Variants in AAK1 observed in about 807,000 individuals in gnomAD.
The protein encoded by AAK1 is AP2 associated kinase 1, also known as AP2-associated protein kinase 1.
A neutral mutation model predicts 116.0 loss-of-function variants in AAK1; 37 were observed. The ratio of observed to expected loss-of-function variants is 0.32; its 90% confidence interval spans 0.25 to 0.42. AAK1 has a LOEUF of 0.42. Among genes scored for constraint, AAK1 ranks in the 10% least tolerant of loss-of-function variants. The pLI is 1.00. For missense variants in AAK1, 919 were observed against 1,170.6 expected (o/e 0.79, Z 3.14); for synonymous variants, 458 against 439.9 (o/e 1.04, Z -0.51).
intron 1 of AAK1, 82 bp from the exon 2 acceptor site, chr2:69,643,356 G>C: frequency 8.3e-7 from 1 of 1,207,804 alleles, no homozygotes; most frequent in Non-Finnish European, 1.0e-6. Flanking sequence ...GGGAGCAAAA[G>C]CCATCATCCT....
chr2:69,600,290 GTTTT>G (rs55852032), intron 2 of AAK1, among the ~76,000 whole-genome samples: 1 of 133,516 alleles, frequency 7.5e-6, no homozygotes, highest in Non-Finnish European at 1.6e-5. Flanking sequence ...ATCTGTCTCA[GTTTT>G]TTTTTTTTTT....
chr2:69,531,434 T>C (rs1465534597), intron 6 of AAK1, among the ~76,000 whole-genome samples: 5 of 152,206 alleles, frequency 3.3e-5, no homozygotes, highest in Non-Finnish European at 5.9e-5. Flanking sequence ...GGCTAGACTG[T>C]TGACTTATTA....
chr2:69,493,458 T>C (rs1675621092), intron 17 of AAK1, among the ~76,000 whole-genome samples: 1 of 151,992 alleles, frequency 6.6e-6, no homozygotes, highest in African/African-American at 2.4e-5. Flanking sequence ...GAGGTGCAGA[T>C]GGAAGGCTAT....
At chr2:69,507,379 A>G in intron 15 of AAK1, 42 bp downstream of exon 15, 1 of 1,595,040 alleles carries the variant, frequency 6.3e-7, no homozygotes, top group Non-Finnish European at 8.5e-7. Flanking sequence ...AGCACAGAGA[A>G]TCTATAATCA....
At chr2:69,507,393 AG>A (rs1558919274) in intron 15 of AAK1, 27 bp downstream of exon 15, 2 of 1,604,992 alleles carry the variant, frequency 1.2e-6, no homozygotes, top group South Asian at 2.2e-5. Flanking sequence ...ATAATCAAGA[AG>A]CACAAAAAAA....
chr2:69,551,549 A>G (rs183267729), intron 3 of AAK1, among the ~76,000 whole-genome samples: 3 of 152,292 alleles, frequency 2.0e-5, no homozygotes, highest in East Asian at 3.9e-4. Context: ...CAAATCCTCA[A>G]ACATCACTGG....
intron 2 of AAK1, among the ~76,000 whole-genome samples, chr2:69,593,163 C>T (rs1237936949): frequency 6.6e-6 from 1 of 152,008 alleles, no homozygotes; most frequent in Non-Finnish European, 1.5e-5. Flanking sequence ...TCCATTGATC[C>T]AACAATTATT....
chr2:69,618,872 C>A (rs758846617), intron 2 of AAK1, among the ~76,000 whole-genome samples: 6 of 152,204 alleles, frequency 3.9e-5, no homozygotes, highest in Non-Finnish European at 8.8e-5. Flanking sequence ...CCCATTCTGA[C>A]ACACCCTCCA....
At chr2:69,533,343 G>A (rs1670335246) in intron 5 of AAK1, among the ~76,000 whole-genome samples, 1 of 152,150 alleles carries the variant, frequency 6.6e-6, no homozygotes, top group South Asian at 2.1e-4. Context: ...CAAACCTGGT[G>A]TGTCAGGCGC....
At chr2:69,524,114 C>G (rs1378704926) in intron 10 of AAK1, among the ~76,000 whole-genome samples, 1 of 152,234 alleles carries the variant, frequency 6.6e-6, no homozygotes, top group Non-Finnish European at 1.5e-5. Flanking sequence ...CTGCTGTTCA[C>G]TGACCTGGTG....
chr2:69,514,652 T>C lies in AAK1; in HGVS notation c.1595A>G (p.Tyr532Cys). The change falls in exon 13 of 22, where the codon TAC becomes TGC. Residue 532 changes from tyrosine to cysteine, a missense_variant. Tyr to Cys is a radical substitution (Grantham distance 194). This residue lies in a region of AAK1 where 214 missense variants were observed against 210.6 expected (regional missense o/e 1.02). Transcript: ENST00000409085. ...GSQQQLMQNF[Y>C]QQQQQQQQQQ... ...TTGTTGCTGCTGCTGCTGCTGCTGG[T>C]AGAAATTCTGCATTAGCTGCTGTTG... is the stretch of plus-strand genomic sequence containing the variant. The C allele has an allele frequency of 6.2e-7, 1 of 1,612,520 alleles. No homozygotes were observed.
At chr2:69,568,469 T>C (rs951043732) in intron 2 of AAK1, among the ~76,000 whole-genome samples, 2 of 150,152 alleles carry the variant, frequency 1.3e-5, no homozygotes, top group African/African-American at 4.9e-5. Context: ...CTCGCTCTGT[T>C]ACCCAAACTG....
intron 8 of AAK1, among the ~76,000 whole-genome samples, chr2:69,528,523 C>T (rs193033209): frequency 1.1e-4 from 16 of 152,106 alleles, no homozygotes; most frequent in African/African-American, 2.9e-4. Context: ...GGAATATGGC[C>T]GAGTACACGA....
At chr2:69,590,966 A>G (rs77684798) in intron 2 of AAK1, among the ~76,000 whole-genome samples, 17 of 152,382 alleles carry the variant, frequency 1.1e-4, no homozygotes, top group African/African-American at 4.1e-4. Context: ...TACTATGGAA[A>G]GATGAATGTC....
In AAK1 at chr2:69,465,930, T is replaced by A; in HGVS notation, c.*9939A>T. The A allele has an allele frequency of 1.5e-6, 2 of 1,290,886 alleles. No homozygotes were observed. The highest frequency in any genetic ancestry group is 2.0e-6 in the Non-Finnish European group (2 of 988,866). 80.0% of individuals were successfully genotyped at this position (1,290,886 alleles called of 1,614,324 possible). On this transcript the variant is annotated 3_prime_UTR_variant, in exon 22 of 22. Coordinates refer to ENST00000409085, the MANE Select transcript of AAK1 (RefSeq NM_014911.5). The stretch of plus-strand genomic sequence containing the variant: ...GAGGAGACCGGTCTGTGCAGGCAGC[T>A]CCTGGGAGGTGCATTGGATAACTGT...
In AAK1 at chr2:69,473,717, A is replaced by G; in HGVS notation, c.*2152T>C. ...ATTGAGAAACTAGATATTTCATTAT[A>G]TTTCTAACATGTATATACGAAAAAA... On this transcript the variant is annotated 3_prime_UTR_variant, in exon 22 of 22. Coordinates refer to ENST00000409085, the MANE Select transcript of AAK1 (RefSeq NM_014911.5). The G allele has an allele frequency of 1.0e-6, 1 of 960,850 alleles. No homozygotes were observed. The allele number at this position is 960,850 out of a possible 1,614,324, so 59.5% of individuals were successfully genotyped here. A position where few individuals can be genotyped will look rare whatever the true frequency, so the allele number is the denominator to read the frequency against.
chr2:69,625,258 G>C (rs1360488183), intron 2 of AAK1, among the ~76,000 whole-genome samples: 1 of 152,172 alleles, frequency 6.6e-6, no homozygotes, highest in African/African-American at 2.4e-5. Flanking sequence ...AATTAGAGGA[G>C]TAGTGTTAAT....
At chr2:69,612,906 A>G (rs1573007693) in intron 2 of AAK1, among the ~76,000 whole-genome samples, 2 of 152,370 alleles carry the variant, frequency 1.3e-5, no homozygotes, top group South Asian at 4.2e-4. Flanking sequence ...AGAAGTGCTG[A>G]CTAGGCTTCT....
chr2:69,611,614 T>C (rs895016792), intron 2 of AAK1, among the ~76,000 whole-genome samples: 1 of 152,188 alleles, frequency 6.6e-6, no homozygotes, highest in Non-Finnish European at 1.5e-5. Context: ...ACATATACCT[T>C]ATTGGTTCTG....
Sources: gnomAD v4.1 joint callset for allele counts (sites outside exome capture counted in the v4.1 genomes callset) on GRCh38, gnomAD v4.1.1 for gene constraint, gnomAD v4.1.1 regional missense constraint, MANE v1.5 for transcripts, NCBI Gene and HGNC (gene_info 2026-07-23, HGNC 2026-07-21) for gene names.